Variants in AHNAK2 observed in about 807,000 individuals in gnomAD.
AHNAK2 encodes the protein protein AHNAK2.
Under a neutral mutation model 30.7 loss-of-function variants are expected in AHNAK2, and 18 were observed. The ratio of observed to expected loss-of-function variants is 0.59; its 90% CI spans 0.41 to 0.87. The LOEUF (loss-of-function observed/expected upper bound fraction) is 0.87. Among genes scored for constraint, AHNAK2 ranks in the 40% least tolerant of loss-of-function variants. The pLI is 0.00. For missense variants in AHNAK2, 8,604 were observed against 7,373.0 expected, an observed-to-expected ratio of 1.17 and a Z score of -6.11; for synonymous variants, 3,590 against 3,073.8, an observed-to-expected ratio of 1.17 and a Z score of -5.56.
At position 104,943,171 on chromosome 14, in the gene AHNAK2, T is replaced by G. The variant is rs768731330; in HGVS notation, c.12280A>C (p.Met4094Leu). The G allele has an allele frequency of 1.2e-6, 2 of 1,611,158 alleles. No individual in the cohort carries two copies. The highest frequency in any genetic ancestry group is 2.2e-5 in the East Asian group (1 of 44,542). Reference protein sequence around the residue: ...KAEVTAPDVKMSLSSMEVDVQ... With the variant: ...KAEVTAPDVKLSLSSMEVDVQ... ...TCCACCTCCATGCTGGACAGAGACA[T>G]CTTCACATCAGGGGCTGTCACTTCC... Residue 4094 changes from methionine to leucine, a missense_variant, in exon 7 of 7, where the codon ATG (methionine) becomes CTG (leucine). Coordinates refer to ENST00000333244, the MANE Select transcript of AHNAK2 (RefSeq NM_138420.4).
At chr14:104,955,434 C>T in intron 5 of AHNAK2, 49 bp downstream of exon 5, 1 of 1,573,898 alleles carries the variant, frequency 6.4e-7, no homozygotes, top group Non-Finnish European at 8.6e-7. Context: ...AGGTCCCTCC[C>T]ATCCTGGTGG....
rs766479415 is a variant in AHNAK2 at position 104,952,612 on chromosome 14, CT to C, written c.2838del (p.Gly947AlafsTer6). The C allele has an allele frequency of 1.2e-5, 20 of 1,611,524 alleles. No homozygotes were observed. Among genetic ancestry groups the C allele is most frequent in the Non-Finnish European group, 1.7e-5 (20 of 1,179,188 alleles). On this transcript the variant is annotated frameshift_variant, in exon 7 of 7. Transcript: ENST00000333244. LOFTEE classifies it low-confidence loss of function (END_TRUNC). ...IDVKGPKLDL[K>X]GPKAEVTAPD... ...GGGGCTGTCACTTCCGCCTTGGGGC[CT>C]TTCAGGTCCAGCTTGGGGCCCTTAA...
In AHNAK2 at chr14:104,939,046, C is replaced by T. The variant is rs377639248; in HGVS notation, c.16405G>A (p.Gly5469Ser). Residue 5469 changes from glycine to serine, a missense_variant, in exon 7 of 7, where the codon GGT becomes AGT. Gly to Ser is a moderately conservative substitution (Grantham distance 56). Transcript: ENST00000333244. ...PISKVRVHIQ[G>S]AQVESQEVTI... ...ACCTCTTGACTTTCAACCTGAGCAC[C>T]CTGAATATGCACTCTGACCTTTGAA... 1.9e-6 allele frequency: 3 copies of T among 1,606,994 alleles called. No homozygotes were observed. In the African/African-American group the frequency reaches 4.0e-5, roughly 21 times the overall value.
Position 104,943,820 on chromosome 14 carries a change from G to C in AHNAK2, c.11631C>G (p.Pro3877=), listed in dbSNP as rs780360061. 6.2e-7 allele frequency: 1 copy of C among 1,613,062 alleles called. No homozygotes were observed. Among genetic ancestry groups the C allele is most frequent in the East Asian group, 2.2e-5 (1 of 44,780 alleles). The change falls in exon 7 of 7, where the codon CCC becomes CCG. Residue 3877 remains proline, a synonymous_variant. Coordinates refer to ENST00000333244, the MANE Select transcript of AHNAK2 (RefSeq NM_138420.4). ...GGTGTCCTTTGAGGCCGGCTTCCTC[G>C]GGCACGTGGCCCTCCAGGAGTTTCA... ...VDMKLLEGHV[P]EEAGLKGHLP...
In AHNAK2 at chr14:104,948,683, T is replaced by C. The variant is rs571600725; in HGVS notation, c.6768A>G (p.Ile2256Met). Residue 2256 changes from isoleucine (I) to methionine (M), a missense_variant, in exon 7 of 7, where the codon ATA becomes ATG. Coordinates refer to ENST00000333244, the MANE Select transcript of AHNAK2 (RefSeq NM_138420.4). The stretch of plus-strand genomic sequence containing the variant: ...GGTCCAGCTTGGGGCCCTTGATGTC[T>C]ATTTCGGGGCCCTTGAGGTCCACTT... ...VPKVDLKGPE[I>M]DIKGPKLDLK... 338 of 1,606,576 alleles carry C rather than the reference T, an allele frequency of 2.1e-4. 15 individuals are homozygous for C. In the East Asian group the frequency reaches 6.7e-3, roughly 32 times the overall value.
intron 2 of AHNAK2, 24 bp downstream of exon 2, chr14:104,957,590 A>T: frequency 6.2e-7 from 1 of 1,607,232 alleles, no homozygotes; most frequent in Non-Finnish European, 8.5e-7. Context: ...TGAGGAGGAC[A>T]CACTTCCTCC....
Position 104,954,834 on chromosome 14 carries a change from G to A in AHNAK2, c.652-35C>T. The A allele has an allele frequency of 2.6e-6, 4 of 1,540,654 alleles. No homozygotes were observed. Among genetic ancestry groups the A allele is most frequent in the East Asian group, 2.3e-5 (1 of 44,258 alleles). On this transcript the variant is annotated intron_variant, in intron 6 of 6. Coordinates refer to ENST00000333244, the MANE Select transcript of AHNAK2 (RefSeq NM_138420.4). This position sits in a 1 kb window ranked among gnomAD's most constrained non-coding sequence, Gnocchi z 4.3. ...AGGGAGAGGGAATCTGTTGGTGCCA[G>A]TCCAAGAAGCCTGGGGCCCTGGCCC...
At position 104,938,928 on chromosome 14, in the gene AHNAK2, G is replaced by C. The variant is rs372998948; in HGVS notation, c.16523C>G (p.Thr5508Arg). 8 of 1,613,394 alleles carry C rather than the reference G, an allele frequency of 5.0e-6. No homozygotes were observed. The highest frequency in any genetic ancestry group is 3.3e-4 in the Middle Eastern group (2 of 6,084). Residue 5508 changes from threonine (T) to arginine (R), a missense_variant, in exon 7 of 7, where the codon ACG becomes AGG. Transcript: ENST00000333244. ...GTACGAAGGTGTTTGAATCTCTGAC[G>C]TGGGGATCTCTGATTCCCGCACAAT... is the stretch of plus-strand genomic sequence containing the variant. ...TQIVRESEIP[T>R]SEIQTPSYGF...
intron 1 of AHNAK2, among the ~76,000 whole-genome samples, chr14:104,976,395 G>A (rs1229594615): frequency 6.6e-6 from 1 of 152,194 alleles, no homozygotes; most frequent in East Asian, 1.9e-4. Context: ...GAGAGCAGGG[G>A]AGAGTCCGCC....
chr14:104,964,984 C>T lies in AHNAK2; in HGVS notation c.56-7312G>A, dbSNP rs77927557. Among the ~76,000 whole-genome samples the T allele has an allele frequency of 1.9e-3, 284 of 152,304 alleles. 2 individuals carry two copies. Among genetic ancestry groups the T allele is most frequent in the African/African-American group, 6.4e-3 (266 of 41,542 alleles). On this transcript the variant is annotated intron_variant, in intron 1 of 6. Coordinates refer to ENST00000333244, the MANE Select transcript of AHNAK2 (RefSeq NM_138420.4). ...CTTGTCCAACCCACGGCCCACAGGC[C>T]GCATGTGGCCCAGAACAGCTTTGAA...
chr14:104,939,076 G>C lies in AHNAK2; in HGVS notation c.16375C>G (p.Pro5459Ala). The C allele has an allele frequency of 1.9e-6, 3 of 1,604,214 alleles. No homozygotes were observed. The highest frequency in any genetic ancestry group is 2.2e-5 in the East Asian group (1 of 44,590). Residue 5459 changes from proline to alanine, a missense_variant, in exon 7 of 7, where the codon CCA becomes GCA. Coordinates refer to ENST00000333244, the MANE Select transcript of AHNAK2 (RefSeq NM_138420.4). ...ATATGCACTCTGACCTTTGAAATTG[G>C]GGGAGCTTCCAAAGGCAGGTTAAGG... ...VDLNLPLEAPPISKVRVHIQG... is the reference protein window; with the variant it reads ...VDLNLPLEAPAISKVRVHIQG...
At position 104,954,583 on chromosome 14, in the gene AHNAK2, C is replaced by T. The variant is rs901528352; in HGVS notation, c.868G>A (p.Ala290Thr). ...GTGCTTGTAGGGGACACGTCATGTGCGTCCCTAGGTTCGTAGGCCTCTGAC... is the reference window on the plus strand; with the variant it reads ...GTGCTTGTAGGGGACACGTCATGTGTGTCCCTAGGTTCGTAGGCCTCTGAC... The part of the protein sequence containing the change: ...SSSEAYEPRD[A>T]HDVSPTSTDT... The change falls in exon 7 of 7, where the codon GCA (alanine) becomes ACA (threonine). Residue 290 changes from alanine (A) to threonine (T), a missense_variant. Physicochemically the swap from Ala to Thr is moderately conservative, Grantham distance 58. Transcript: ENST00000333244. This position sits in a 1 kb window ranked among gnomAD's most constrained non-coding sequence, Gnocchi z 4.3. 7 of 1,608,526 alleles carry T rather than the reference C, an allele frequency of 4.4e-6. No homozygotes were observed. Among genetic ancestry groups the T allele is most frequent in the South Asian group, 1.1e-5 (1 of 90,556 alleles).
intron 1 of AHNAK2, among the ~76,000 whole-genome samples, chr14:104,976,235 T>G (rs1336586540): frequency 3.9e-5 from 6 of 152,146 alleles, no homozygotes; most frequent in Admixed American, 3.9e-4. Flanking sequence ...GTGAACTGGC[T>G]GGTGTTACAG....
intron 1 of AHNAK2, among the ~76,000 whole-genome samples, chr14:104,976,846 C>A (rs1037415220): frequency 2.6e-5 from 4 of 152,190 alleles, no homozygotes; most frequent in African/African-American, 9.7e-5. Context: ...TGCCTGGGGG[C>A]CCTGCCCTTC....
chr14:104,957,305 C>A, intron 3 of AHNAK2, 105 bp downstream of exon 3: 1 of 1,080,688 alleles, frequency 9.3e-7, no homozygotes, highest in Non-Finnish European at 1.3e-6. Flanking sequence ...GCCCAGTGGG[C>A]AGCGGGGCAG....
In AHNAK2 at chr14:104,975,571, G is replaced by A. The variant is rs547067870; in HGVS notation, c.55+2612C>T. Among the ~76,000 whole-genome samples the A allele has an allele frequency of 1.2e-3, 177 of 152,358 alleles. 1 individual carries two copies. The highest frequency in any genetic ancestry group is 4.2e-3 in the African/African-American group (174 of 41,584). The stretch of plus-strand genomic sequence containing the variant: ...CGGTCACCCTGCCTGGTGGGGCAGG[G>A]CAGAGCCAGCACCTGTCAGAACAGC... On this transcript the variant is annotated intron_variant, in intron 1 of 6. Transcript: ENST00000333244.
At position 104,943,361 on chromosome 14, in the gene AHNAK2, G is replaced by T. The variant is rs1311374674; in HGVS notation, c.12090C>A (p.Gly4030=). The T allele has an allele frequency of 3.1e-6, 5 of 1,612,762 alleles. No individual in the cohort carries two copies. In the African/African-American group the frequency reaches 4.0e-5, roughly 13 times the overall value. ...CCTCTGGGAGTTTCACGTCCACTTG[G>T]CCAGCCTGGACCTCCAGGTCAGCGG... ...PPSADLEVQA[G]QVDVKLPEGP... The change falls in exon 7 of 7, where the codon GGC becomes GGA. Residue 4030 remains glycine, a synonymous_variant. Coordinates refer to ENST00000333244, the MANE Select transcript of AHNAK2 (RefSeq NM_138420.4).
chr14:104,953,125 G>C lies in AHNAK2; in HGVS notation c.2326C>G (p.Pro776Ala). 1.2e-6 allele frequency: 2 copies of C among 1,613,058 alleles called. No individual in the cohort carries two copies. Among genetic ancestry groups the C allele is most frequent in the Non-Finnish European group, 1.7e-6 (2 of 1,179,652 alleles). The change falls in exon 7 of 7, where the codon CCC becomes GCC. Residue 776 changes from proline (P) to alanine (A), a missense_variant. Pro to Ala is a conservative substitution (Grantham distance 27, BLOSUM62 -1). Coordinates refer to ENST00000333244, the MANE Select transcript of AHNAK2 (RefSeq NM_138420.4). ...LKMPKVDLKG[P>A]KLDLKGPKAE... ...TTGGGGCCTTTCAGGTCCAGCTTGG[G>C]GCCCTTGAGGTCCACTTTGGGCATC...
In AHNAK2 at chr14:104,950,502, G is replaced by T. The variant is rs145693791; in HGVS notation, c.4949C>A (p.Ala1650Glu). 48,757 of 1,566,956 alleles carry T rather than the reference G, an allele frequency of 0.031. 5,810 individuals carry two copies. The highest frequency in any genetic ancestry group is 0.059 in the African/African-American group (4,204 of 71,000). The change falls in exon 7 of 7, where the codon GCG (alanine) becomes GAG (glutamate). Residue 1650 changes from alanine (A) to glutamate (E), a missense_variant. Transcript: ENST00000333244. ...LEGDLSLADK[A>E]VTAKDSKFKM... Reference sequence around the variant, plus strand: ...GAACTTGCTGTCTTTGGCAGTCACCGCCTTGTCGGCCAGGGACAGGTCCCC... The same window carrying T: ...GAACTTGCTGTCTTTGGCAGTCACCTCCTTGTCGGCCAGGGACAGGTCCCC...
Sources: gnomAD v4.1 joint callset for allele counts (sites outside exome capture counted in the v4.1 genomes callset) on GRCh38, gnomAD v4.1.1 for gene constraint, Gnocchi (gnomAD v3.1) non-coding constraint, MANE v1.5 for transcripts, NCBI Gene and HGNC (gene_info 2026-07-23, HGNC 2026-07-21) for gene names.